FAM98A: variants seen among roughly 807,000 people sequenced by gnomAD.
FAM98A encodes the protein protein FAM98A.
FAM98A carries 25 observed loss-of-function variants against 62.9 expected under a neutral mutation model. The observed-to-expected ratio is 0.40, with a 90% CI of 0.29 to 0.56. The LOEUF (loss-of-function observed/expected upper bound fraction) is 0.56, where lower values mean the gene tolerates loss of function less well. FAM98A is among the 20% of genes least tolerant of loss of function. The pLI is 0.51. For missense variants in FAM98A, 653 were observed against 640.7 expected (o/e 1.02, Z -0.21); for synonymous variants, 252 against 228.6 (o/e 1.10, Z -0.92).
chr2:33,591,432 G>T (rs976015903), intron 3 of FAM98A, among the ~76,000 whole-genome samples: 3 of 152,030 alleles, frequency 2.0e-5, no homozygotes, highest in Admixed American at 6.6e-5. Flanking sequence ...TAAAATTTTT[G>T]AATCTACTTA....
intron 6 of FAM98A, 125 bp from the exon 7 acceptor site, chr2:33,585,822 G>T: frequency 1.2e-6 from 1 of 847,478 alleles, no homozygotes; most frequent in Non-Finnish European, 1.8e-6. Context: ...TAGATGGTAG[G>T]AAAAGTTATA....
chr2:33,589,484 T>C (rs1199803413), intron 3 of FAM98A: 1 of 152,164 alleles, frequency 6.6e-6, no homozygotes, highest in African/African-American at 2.4e-5. Flanking sequence ...CAGGTCCTAT[T>C]AGAAGTAGAA....
At chr2:33,585,508 A>C in intron 7 of FAM98A, 22 bp downstream of exon 7, 2 of 1,613,938 alleles carry the variant, frequency 1.2e-6, no homozygotes, top group Non-Finnish European at 1.7e-6. Context: ...CATTTGGAAA[A>C]AATTAAAGGT....
chr2:33,594,628 CATATAT>C, intron 2 of FAM98A, among the ~76,000 whole-genome samples: 1 of 118,120 alleles, frequency 8.5e-6, no homozygotes, highest in African/African-American at 4.0e-5. Context: ...TATATACACA[CATATAT>C]ATACACATAT....
intron 1 of FAM98A, among the ~76,000 whole-genome samples, chr2:33,598,485 G>A (rs1007639021): frequency 2.6e-5 from 4 of 152,186 alleles, no homozygotes; most frequent in African/African-American, 7.2e-5. Context: ...TCAGGAGAAG[G>A]AGAGACACAA....
chr2:33,595,395 C>A, intron 2 of FAM98A, 94 bp downstream of exon 2: 1 of 1,117,624 alleles, frequency 8.9e-7, no homozygotes, highest in Admixed American at 3.1e-5. Context: ...TTTACAAAAA[C>A]TTGCAACTTT....
In FAM98A at chr2:33,584,160, T is replaced by G. The variant is rs973375003; in HGVS notation, c.*616A>C. 2 of 152,626 alleles carry G rather than the reference T, an allele frequency of 1.3e-5. No homozygotes were observed. The highest frequency in any genetic ancestry group is 2.9e-5 in the Non-Finnish European group (2 of 68,086). 9.5% of individuals were successfully genotyped at this position (152,626 alleles called of 1,614,324 possible). On this transcript the variant is annotated 3_prime_UTR_variant, in exon 8 of 8. Coordinates refer to ENST00000238823, the MANE Select transcript of FAM98A (RefSeq NM_015475.5). The stretch of plus-strand genomic sequence containing the variant: ...TATGGATTTTGGCCGTGTTCAAGGT[T>G]TTCAGAGTTGAGCATATGATACAGT...
At chr2:33,588,222 A>T in intron 4 of FAM98A, 113 bp downstream of exon 4, 1 of 805,928 alleles carries the variant, frequency 1.2e-6, no homozygotes, top group Non-Finnish European at 2.0e-6. Context: ...ACAATTACTT[A>T]ATAATATATG....
chr2:33,588,263 T>C (rs1677601175), intron 4 of FAM98A, 72 bp downstream of exon 4: 4 of 1,174,042 alleles, frequency 3.4e-6, no homozygotes, highest in Non-Finnish European at 4.9e-6. Context: ...AGAAATTAAA[T>C]TAATTGCTTC....
chr2:33,597,313 G>A (rs1677835231), intron 1 of FAM98A, among the ~76,000 whole-genome samples: 1 of 152,152 alleles, frequency 6.6e-6, no homozygotes, highest in South Asian at 2.1e-4. Context: ...GGTCACCAGA[G>A]CAAGACCTCA....
chr2:33,584,807 C>T lies in FAM98A; in HGVS notation c.1526G>A (p.Gly509Glu). 1 of 1,609,428 alleles carries T rather than the reference C, an allele frequency of 6.2e-7. No homozygotes were observed. The highest frequency in any genetic ancestry group is 2.2e-5 in the East Asian group (1 of 44,726). The change falls in exon 8 of 8, where the codon GGA (glycine) becomes GAA (glutamate). Residue 509 changes from glycine to glutamate, a missense_variant. Transcript: ENST00000238823. ...QHGGYQYNHS[G>E]FGQGRHYTS ...AGTGTAATGTCTTCCCTGTCCAAAT[C>T]CAGAATGATTATACTGATAACCTCC...
At chr2:33,598,907 G>A (rs565355615) in intron 1 of FAM98A, among the ~76,000 whole-genome samples, 8 of 152,282 alleles carry the variant, frequency 5.3e-5, no homozygotes, top group African/African-American at 1.7e-4. Context: ...CCCAGACAAT[G>A]ACACGCATGA....
rs1677492616 is a variant in FAM98A, at chr2:33,584,679, T to C, written c.*97A>G. On this transcript the variant is annotated 3_prime_UTR_variant, in exon 8 of 8. Coordinates refer to ENST00000238823, the MANE Select transcript of FAM98A (RefSeq NM_015475.5). ...GCCAAGCAGGAATCTGCCTGCCACC[T>C]GTGGTCTCACATTAATTCAAAATAG... is the stretch of plus-strand genomic sequence containing the variant. The C allele has an allele frequency of 9.4e-7, 1 of 1,065,694 alleles. No individual in the cohort carries two copies. Among genetic ancestry groups the C allele is most frequent in the East Asian group, 2.4e-5 (1 of 41,944 alleles). 66.0% of individuals were successfully genotyped at this position (1,065,694 alleles called of 1,614,324 possible).
intron 3 of FAM98A, 195 bp from the exon 4 acceptor site, chr2:33,588,714 C>T (rs892834778): frequency 1.5e-5 from 6 of 408,040 alleles, no homozygotes; most frequent in South Asian, 1.4e-4. Context: ...GTTATTTAAG[C>T]GATATATAAT....
rs771899351 is a variant in FAM98A at position 33,588,151 on chromosome 2, T to G, written c.522+184A>C. 1.8e-5 allele frequency: 11 copies of G among 601,426 alleles called. No homozygotes were observed. The East Asian group carries it at 3.2e-4, about 18-fold the overall frequency. The allele number at this position is 601,426 out of a possible 1,614,324, so 37.3% of individuals were successfully genotyped here. A position where few individuals can be genotyped will look rare whatever the true frequency, so the allele number is the denominator to read the frequency against. Reference sequence around the variant, plus strand: ...ACATGCTAACATGTTTTTAGGAAAATACTAAAATACTAATTTATCTTTAAG... The same window carrying G: ...ACATGCTAACATGTTTTTAGGAAAAGACTAAAATACTAATTTATCTTTAAG... On this transcript the variant is annotated intron_variant, in intron 4 of 7. Transcript: ENST00000238823.
chr2:33,595,505 G>T lies in FAM98A; in HGVS notation c.186C>A (p.Asn62Lys). 6.2e-7 allele frequency: 1 copy of T among 1,604,294 alleles called. No homozygotes were observed. The highest frequency in any genetic ancestry group is 8.5e-7 in the Non-Finnish European group (1 of 1,176,416). Residue 62 changes from asparagine (N) to lysine (K), a missense_variant, in exon 2 of 8, where the codon AAC (asparagine) becomes AAA (lysine). Asn to Lys is a moderately conservative substitution (Grantham distance 94, BLOSUM62 0). Coordinates refer to ENST00000238823, the MANE Select transcript of FAM98A (RefSeq NM_015475.5). ...TTTACTTACTGTTAGTTGCTTGCAC[G>T]TTTTCCTCTAGTTTACAGAGCACTC... Reference protein sequence around the residue: ...ELRVLCKLEENVQATNSPSEA... With the variant: ...ELRVLCKLEEKVQATNSPSEA...
rs139739044 is a variant in FAM98A, at chr2:33,592,442, T to G, written c.203-228A>C. Among the ~76,000 whole-genome samples the G allele has an allele frequency of 1.9e-3, 294 of 152,246 alleles. 3 individuals carry two copies. Among genetic ancestry groups the G allele is most frequent in the African/African-American group, 6.7e-3 (278 of 41,540 alleles). On this transcript the variant is annotated intron_variant, in intron 2 of 7. Transcript: ENST00000238823. ...GTGCAGTGGTGTGATCAGGGCTTACTGTAACCTCAAACCCCTGGGCTTGAA... is the reference window on the plus strand; with the variant it reads ...GTGCAGTGGTGTGATCAGGGCTTACGGTAACCTCAAACCCCTGGGCTTGAA...
rs750700708 is a variant in FAM98A at position 33,592,030 on chromosome 2, G to T, written c.337+50C>A. 4 of 1,500,182 alleles carry T rather than the reference G, an allele frequency of 2.7e-6. No individual in the cohort carries two copies. In the East Asian group the frequency reaches 9.1e-5, roughly 34 times the overall value. The allele number at this position is 1,500,182 out of a possible 1,614,324, so 92.9% of individuals were successfully genotyped here. A position where few individuals can be genotyped will look rare whatever the true frequency, so the allele number is the denominator to read the frequency against. On this transcript the variant is annotated intron_variant, in intron 3 of 7. Coordinates refer to ENST00000238823, the MANE Select transcript of FAM98A (RefSeq NM_015475.5). ...AACCATGGTCAGTTTATTAGTCATG[G>T]AAAACATAAACAGAAAGTAATAGCT...
At chr2:33,592,786 C>A (rs1423529181) in intron 2 of FAM98A, among the ~76,000 whole-genome samples, 1 of 152,154 alleles carries the variant, frequency 6.6e-6, no homozygotes, top group Non-Finnish European at 1.5e-5. Context: ...TTTAAAGATT[C>A]TTCATAGCTG....
Sources: gnomAD v4.1 joint callset for allele counts (sites outside exome capture counted in the v4.1 genomes callset) on GRCh38, gnomAD v4.1.1 for gene constraint, MANE v1.5 for transcripts, NCBI Gene and HGNC (gene_info 2026-07-23, HGNC 2026-07-21) for gene names.